AZIN1: variants seen among roughly 807,000 people sequenced by gnomAD.
The protein encoded by AZIN1 is antizyme inhibitor 1.
In AZIN1, 12 loss-of-function variants were observed where a neutral mutation model predicts 47.4. The ratio of observed to expected loss-of-function variants is 0.25; its 90% CI spans 0.16 to 0.41. AZIN1 has a LOEUF of 0.41. Among genes scored for constraint, AZIN1 ranks in the 10% least tolerant of loss-of-function variants. AZIN1 has a pLI of 1.00. For synonymous variants in AZIN1, 155 were observed against 176.3 expected (o/e 0.88, Z 0.96); for missense variants, 410 against 532.4 (o/e 0.77, Z 2.26).
intron 9 of AZIN1, 150 bp from the exon 10 acceptor site, chr8:102,830,086 A>G: frequency 1.7e-6 from 1 of 600,404 alleles, no homozygotes; most frequent in South Asian, 2.1e-5. Flanking sequence ...CAATGAGCAC[A>G]AGAAAAGAGT....
Position 102,829,832 on chromosome 8 carries a change from C to G in AZIN1, c.1009G>C (p.Glu337Gln), listed in dbSNP as rs1811321567. The change falls in exon 10 of 12, where the codon GAG becomes CAG. Residue 337 changes from glutamate (E) to glutamine (Q), a missense_variant. By Grantham distance (29) the Glu-to-Gln change is conservative. Coordinates refer to ENST00000337198, the MANE Select transcript of AZIN1 (RefSeq NM_148174.4). Reference sequence around the variant, plus strand: ...CTGATAAAACTTGCCTTGTGAACCTCTGGAATGGTATTTAAGTCCTCAGAC... The same window carrying G: ...CTGATAAAACTTGCCTTGTGAACCTGTGGAATGGTATTTAAGTCCTCAGAC... Reference protein sequence around the residue: ...KLSEDLNTIPEVHKKYKEDEP... With the variant: ...KLSEDLNTIPQVHKKYKEDEP... 1 of 1,609,682 alleles carries G rather than the reference C, an allele frequency of 6.2e-7. No individual in the cohort carries two copies. The highest frequency in any genetic ancestry group is 8.5e-7 in the Non-Finnish European group (1 of 1,177,484).
At chr8:102,854,331 T>A (rs1813126994) in intron 2 of AZIN1, 1 of 151,756 alleles carries the variant, frequency 6.6e-6, no homozygotes. Context: ...CCAGGCGCGG[T>A]GGCTCACGCC....
At chr8:102,849,434 A>G (rs1414284244) in intron 2 of AZIN1, among the ~76,000 whole-genome samples, 1 of 152,202 alleles carries the variant, frequency 6.6e-6, no homozygotes, top group Non-Finnish European at 1.5e-5. Context: ...TTCCCAAAAG[A>G]AACTGTACCA....
intron 9 of AZIN1, among the ~76,000 whole-genome samples, chr8:102,831,058 G>A (rs775493142): frequency 3.3e-5 from 5 of 152,048 alleles, no homozygotes; most frequent in Admixed American, 6.6e-5. Context: ...CACTCTCCAC[G>A]AAAACAAACC....
intron 2 of AZIN1, among the ~76,000 whole-genome samples, chr8:102,850,524 T>C (rs143812446): frequency 3.9e-5 from 6 of 152,296 alleles, no homozygotes; most frequent in African/African-American, 1.4e-4. Flanking sequence ...ATGTGAGACC[T>C]TGAGTAGGTC....
In AZIN1 at chr8:102,858,928, T is replaced by C. The variant is rs147968466; in HGVS notation, c.-233-778A>G. 49 of 152,354 alleles carry C rather than the reference T, an allele frequency of 3.2e-4. No homozygotes were observed. In the East Asian group the frequency reaches 7.5e-3, roughly 23 times the overall value. The allele number at this position is 152,354 out of a possible 1,614,324, so 9.4% of individuals were successfully genotyped here. ...TAAGCTAAAATGATATACCTATGTT[T>C]CTATGTATAATTCAGTGGTTACTGT... On this transcript the variant is annotated intron_variant, in intron 1 of 11. Coordinates refer to ENST00000337198, the MANE Select transcript of AZIN1 (RefSeq NM_148174.4).
intron 2 of AZIN1, among the ~76,000 whole-genome samples, chr8:102,844,238 GGCCCATGCCTGTAATCCCA>G (rs1358099167): frequency 1.3e-5 from 2 of 152,186 alleles, no homozygotes; most frequent in Non-Finnish European, 2.9e-5. Flanking sequence ...CGGGCATGGT[GGCCCATGCCTGTAATCCCA>G]GCACTTTGAG....
intron 2 of AZIN1, among the ~76,000 whole-genome samples, chr8:102,851,750 C>A (rs1187635934): frequency 6.6e-6 from 1 of 152,064 alleles, no homozygotes; most frequent in Non-Finnish European, 1.5e-5. Flanking sequence ...GGCCCCTGTA[C>A]CTCTCCCTTA....
At position 102,863,271 on chromosome 8, in the gene AZIN1, G is replaced by A. The variant is rs117767593; in HGVS notation, c.-234+536C>T. 0.014 allele frequency among the ~76,000 whole-genome samples: 2,062 copies of A among 152,166 alleles called. 112 individuals are homozygous for A. In the East Asian group the frequency reaches 0.2, roughly 15 times the overall value. On this transcript the variant is annotated intron_variant, in intron 1 of 11. Coordinates refer to ENST00000337198, the MANE Select transcript of AZIN1 (RefSeq NM_148174.4). ...TCCTCCGCAGCTGTCACCAGAGGCCGGCGCGGGGCCCGCCCCGCTCCATTC... is the reference window on the plus strand; with the variant it reads ...TCCTCCGCAGCTGTCACCAGAGGCCAGCGCGGGGCCCGCCCCGCTCCATTC...
chr8:102,828,850 C>A (rs1811258603), intron 11 of AZIN1, among the ~76,000 whole-genome samples, 172 bp from the exon 12 acceptor site: 1 of 152,222 alleles, frequency 6.6e-6, no homozygotes, highest in South Asian at 2.1e-4. Context: ...TCAAAGACTA[C>A]ACATATGACT....
At chr8:102,843,260 A>T (rs1586178906) in intron 3 of AZIN1, among the ~76,000 whole-genome samples, 1 of 151,758 alleles carries the variant, frequency 6.6e-6, no homozygotes, top group South Asian at 2.1e-4. Flanking sequence ...CCATGTACTG[A>T]TTAGAAGGTT....
At chr8:102,851,173 A>C (rs1195262362) in intron 2 of AZIN1, among the ~76,000 whole-genome samples, 1 of 152,210 alleles carries the variant, frequency 6.6e-6, no homozygotes, top group Non-Finnish European at 1.5e-5. Flanking sequence ...TTAAGATGTG[A>C]TAACATTAAA....
At chr8:102,848,483 C>G (rs1812726320) in intron 2 of AZIN1, among the ~76,000 whole-genome samples, 1 of 152,180 alleles carries the variant, frequency 6.6e-6, no homozygotes, top group African/African-American at 2.4e-5. Flanking sequence ...AAGCTATCCT[C>G]CTGTCTCTGC....
chr8:102,828,448 A>T lies in AZIN1; in HGVS notation c.*119T>A. On this transcript the variant is annotated 3_prime_UTR_variant, in exon 12 of 12. Coordinates refer to ENST00000337198, the MANE Select transcript of AZIN1 (RefSeq NM_148174.4). ...CTGGTCCCAAATAGCTATTACTAATAGTTTTTGTTGCCAAAAGAATTAAGA... is the reference window on the plus strand; with the variant it reads ...CTGGTCCCAAATAGCTATTACTAATTGTTTTTGTTGCCAAAAGAATTAAGA... 1.6e-6 allele frequency: 1 copy of T among 618,344 alleles called. No individual in the cohort carries two copies. Among genetic ancestry groups the T allele is most frequent in the Non-Finnish European group, 2.7e-6 (1 of 366,174 alleles). The allele number at this position is 618,344 out of a possible 1,614,324, so 38.3% of individuals were successfully genotyped here. A position where few individuals can be genotyped will look rare whatever the true frequency, so the allele number is the denominator to read the frequency against.
intron 2 of AZIN1, among the ~76,000 whole-genome samples, chr8:102,853,043 G>T (rs1170391344): frequency 6.6e-6 from 1 of 152,192 alleles, no homozygotes; most frequent in East Asian, 1.9e-4. Context: ...ATCGCAAAAG[G>T]GATTGGTTTA....
Position 102,844,400 on chromosome 8 carries a change from G to A in AZIN1, c.-95-653C>T, listed in dbSNP as rs75318608. ...AAAGTAATAAAAATGGGTGAGAGTGGAGGGTGGCTTGAGGGAACAATCTGA... is the reference window on the plus strand; with the variant it reads ...AAAGTAATAAAAATGGGTGAGAGTGAAGGGTGGCTTGAGGGAACAATCTGA... On this transcript the variant is annotated intron_variant, in intron 2 of 11. Coordinates refer to ENST00000337198, the MANE Select transcript of AZIN1 (RefSeq NM_148174.4). 2.7e-3 allele frequency among the ~76,000 whole-genome samples: 404 copies of A among 152,158 alleles called. 6 individuals carry two copies. Among genetic ancestry groups the A allele is most frequent in the African/African-American group, 9.4e-3 (391 of 41,518 alleles).
intron 2 of AZIN1, among the ~76,000 whole-genome samples, chr8:102,847,097 C>T (rs1457599997): frequency 1.3e-5 from 2 of 152,014 alleles, no homozygotes; most frequent in East Asian, 1.9e-4. Flanking sequence ...TAACCACGTC[C>T]CAGCTGAGTG....
chr8:102,830,279 G>A (rs746846102), intron 9 of AZIN1: 1 of 170,586 alleles, frequency 5.9e-6, no homozygotes, highest in African/African-American at 2.4e-5. Flanking sequence ...ACAGCTACTT[G>A]GGAGGCTGAG....
rs189537283 is a variant in AZIN1 at position 102,843,675 on chromosome 8, G to A, written c.-23C>T. On this transcript the variant is annotated 5_prime_UTR_variant, in exon 3 of 12. Coordinates refer to ENST00000337198, the MANE Select transcript of AZIN1 (RefSeq NM_148174.4). ...CATCTCAGCCGTATTCCACAAAGCC[G>A]AAAGTCATAAACCAGGAAAGACAAG... is the stretch of plus-strand genomic sequence containing the variant. The A allele has an allele frequency of 6.8e-6, 11 of 1,613,026 alleles. No homozygotes were observed. The highest frequency in any genetic ancestry group is 4.5e-5 in the East Asian group (2 of 44,786).
Sources: allele counts gnomAD v4.1 joint callset (sites outside exome capture counted in the v4.1 genomes callset), GRCh38; gene constraint gnomAD v4.1.1; transcripts MANE v1.5; gene names NCBI Gene and HGNC (gene_info 2026-07-23, HGNC 2026-07-21).